The following SMARCAD1 variants were observed in gnomAD, a reference collection of about 807,000 sequenced individuals.
SMARCAD1 encodes SWI/SNF-related matrix-associated actin-dependent regulator of chromatin subfamily A containing DEAD/H box 1.
SMARCAD1 carries 25 observed loss-of-function variants against 127.1 expected under a neutral mutation model. The observed-to-expected ratio is 0.20, with a 90% CI of 0.14 to 0.27. The LOEUF is 0.27. Among genes scored for constraint, SMARCAD1 ranks in the 10% least tolerant of loss-of-function variants. SMARCAD1 has a pLI of 1.00. For synonymous variants in SMARCAD1, 400 were observed against 396.9 expected (o/e 1.01, Z -0.09); for missense variants, 807 against 1,206.0 (o/e 0.67, Z 4.90).
At chr4:94,287,937 G>A (rs1188854618) in intron 23 of SMARCAD1, among the ~76,000 whole-genome samples, 1 of 151,890 alleles carries the variant, frequency 6.6e-6, no homozygotes, top group Non-Finnish European at 1.5e-5. Context: ...GATCGTTTGA[G>A]CCCAGGAGTT....
chr4:94,235,346 C>G (rs1009974278), intron 4 of SMARCAD1, among the ~76,000 whole-genome samples: 2 of 143,658 alleles, frequency 1.4e-5, no homozygotes, highest in African/African-American at 5.1e-5. Flanking sequence ...AGATTCGTCG[C>G]TGTTGCAGGA....
chr4:94,289,031 C>T (rs775967100), intron 23 of SMARCAD1, among the ~76,000 whole-genome samples: 1 of 152,034 alleles, frequency 6.6e-6, no homozygotes, highest in Non-Finnish European at 1.5e-5. Flanking sequence ...TATATGTATA[C>T]AGTGTGGGTC....
At chr4:94,257,358 T>C (rs1250094943) in intron 9 of SMARCAD1, among the ~76,000 whole-genome samples, 1 of 152,230 alleles carries the variant, frequency 6.6e-6, no homozygotes, top group African/African-American at 2.4e-5. Flanking sequence ...TATACATTTG[T>C]ATACTTCATA....
chr4:94,289,361 C>A, intron 23 of SMARCAD1, 112 bp from the exon 24 acceptor site: 4 of 945,110 alleles, frequency 4.2e-6, no homozygotes, highest in South Asian at 1.4e-5. Context: ...CTGAAGCAAA[C>A]TAGCCCTTGA....
intron 9 of SMARCAD1, chr4:94,253,594 C>T (rs942139901): frequency 1.9e-6 from 2 of 1,027,896 alleles, no homozygotes; most frequent in South Asian, 3.5e-5. Flanking sequence ...CAGGCTGCAG[C>T]GTTTTTAATT....
At position 94,273,728 on chromosome 4, in the gene SMARCAD1, T is replaced by C; in HGVS notation, c.1672+12T>C. On this transcript the variant is annotated intron_variant, in intron 12 of 23. Coordinates refer to ENST00000354268, the MANE Select transcript of SMARCAD1 (RefSeq NM_020159.5). ...AGCTTCAACTATAGGTTTGTAATAC[T>C]GGAGACAACTGTATTTAACTTTATC... 1.3e-6 allele frequency: 2 copies of C among 1,578,874 alleles called. No individual in the cohort carries two copies. Among genetic ancestry groups the C allele is most frequent in the Non-Finnish European group, 1.7e-6 (2 of 1,148,356 alleles).
At chr4:94,240,772 A>T in intron 5 of SMARCAD1, 134 bp from the exon 6 acceptor site, 1 of 695,826 alleles carries the variant, frequency 1.4e-6, no homozygotes, top group Non-Finnish European at 2.6e-6. Flanking sequence ...TCATATGTAG[A>T]ACAACAAACA....
Position 94,236,947 on chromosome 4 carries a change from G to C in SMARCAD1, c.538-5G>C, listed in dbSNP as rs758474561. The C allele has an allele frequency of 1.2e-6, 2 of 1,611,152 alleles. No individual in the cohort carries two copies. The highest frequency in any genetic ancestry group is 2.2e-5 in the South Asian group (2 of 91,022). On this transcript the variant is annotated splice_polypyrimidine_tract_variant and splice_region_variant and intron_variant, in intron 4 of 23. Coordinates refer to ENST00000354268, the MANE Select transcript of SMARCAD1 (RefSeq NM_020159.5). ...TAAAACATTAATCTTTTCTCGTTCT[G>C]TTAGTTGATTGAATCAACAAGCACT...
chr4:94,272,392 A>G (rs1332339772), intron 11 of SMARCAD1, among the ~76,000 whole-genome samples: 2 of 152,196 alleles, frequency 1.3e-5, no homozygotes, highest in East Asian at 3.8e-4. Flanking sequence ...TATTTTAATG[A>G]TGTCTAATTT....
intron 9 of SMARCAD1, among the ~76,000 whole-genome samples, chr4:94,259,147 T>G (rs1443100594): frequency 1.3e-5 from 2 of 152,200 alleles, no homozygotes; most frequent in African/African-American, 2.4e-5. Flanking sequence ...TTACAACTTT[T>G]GGAAAGTGTT....
At chr4:94,207,800 C>T (rs150172157), upstream of SMARCAD1, 20 of 257,778 alleles carry the variant, frequency 7.8e-5, no homozygotes, top group East Asian at 2.0e-3. Flanking sequence ...TTAGCATGCA[C>T]TCCACCTCTG....
intron 23 of SMARCAD1, among the ~76,000 whole-genome samples, chr4:94,288,649 G>T (rs952523483): frequency 4.6e-5 from 7 of 152,054 alleles, no homozygotes; most frequent in African/African-American, 1.4e-4. Context: ...GTGTATATTT[G>T]TGAGAGAGGG....
chr4:94,250,179 T>G (rs1326174565), intron 7 of SMARCAD1, among the ~76,000 whole-genome samples: 1 of 151,958 alleles, frequency 6.6e-6, no homozygotes, highest in Non-Finnish European at 1.5e-5. Context: ...ATAGTGAGAA[T>G]GTTTTCAGAG....
intron 6 of SMARCAD1, chr4:94,248,560 CTTA>C (rs543948308): frequency 9.4e-5 from 43 of 455,838 alleles, no homozygotes; most frequent in East Asian, 4.2e-4. Flanking sequence ...ACCAGTATGT[CTTA>C]TTATTCCCCT....
At chr4:94,255,641 T>C (rs1749959094) in intron 9 of SMARCAD1, among the ~76,000 whole-genome samples, 1 of 152,006 alleles carries the variant, frequency 6.6e-6, no homozygotes. Flanking sequence ...TAGAGGTTAC[T>C]ACCTTTCTAT....
intron 9 of SMARCAD1, among the ~76,000 whole-genome samples, chr4:94,261,276 C>T (rs1024025408): frequency 1.3e-5 from 2 of 152,104 alleles, no homozygotes; most frequent in South Asian, 4.1e-4. Flanking sequence ...TAGGAATCTT[C>T]ACAGTACACA....
intron 9 of SMARCAD1, among the ~76,000 whole-genome samples, chr4:94,256,824 A>G (rs1453167419): frequency 7.6e-6 from 1 of 131,090 alleles, no homozygotes; most frequent in Admixed American, 8.4e-5. Flanking sequence ...TGTAAGTTTG[A>G]TAAGTTTGTA....
intron 3 of SMARCAD1, among the ~76,000 whole-genome samples, chr4:94,229,177 A>G (rs1334273148): frequency 6.6e-6 from 1 of 152,160 alleles, no homozygotes; most frequent in Non-Finnish European, 1.5e-5. Flanking sequence ...GTGGAGAGAT[A>G]CTTTGAGACT....
intron 15 of SMARCAD1, 33 bp downstream of exon 15, chr4:94,276,507 C>T (rs750498665): frequency 1.1e-5 from 17 of 1,611,310 alleles, no homozygotes; most frequent in Non-Finnish European, 1.3e-5. Context: ...TTCCAAATTA[C>T]TGTAAAATTT....
Sources: gnomAD v4.1 joint callset for allele counts (sites outside exome capture counted in the v4.1 genomes callset) on GRCh38, gnomAD v4.1.1 for gene constraint, MANE v1.5 for transcripts, NCBI Gene and HGNC (gene_info 2026-07-23, HGNC 2026-07-21) for gene names.